HECW2: variants seen among roughly 807,000 people sequenced by gnomAD.
HECW2 encodes the protein E3 ubiquitin-protein ligase HECW2.
Under a neutral mutation model 175.2 loss-of-function variants are expected in HECW2, and 61 were observed. The ratio of observed to expected loss-of-function variants is 0.35; its 90% CI spans 0.28 to 0.43. HECW2 has a LOEUF of 0.43. HECW2 is among the 20% of genes least tolerant of loss of function. The pLI is 1.00. For missense variants in HECW2, 1,524 were observed against 2,000.5 expected, an observed-to-expected ratio of 0.76 and a Z score of 4.54; for synonymous variants, 671 against 731.0, an observed-to-expected ratio of 0.92 and a Z score of 1.32.
At chr2:196,557,852 A>AT (rs537086518) in intron 1 of HECW2, among the ~76,000 whole-genome samples, 3 of 152,060 alleles carry the variant, frequency 2.0e-5, no homozygotes, top group Non-Finnish European at 2.9e-5. Context: ...CATTTATGTG[A>AT]TTTTTTTTCT....
At chr2:196,265,254 G>C (rs1276847312) in intron 17 of HECW2, among the ~76,000 whole-genome samples, 1 of 152,226 alleles carries the variant, frequency 6.6e-6, no homozygotes, top group African/African-American at 2.4e-5. Context: ...GGAGGCCCAG[G>C]AAGGCAGATC....
chr2:196,461,838 C>T (rs1352899360), intron 1 of HECW2, among the ~76,000 whole-genome samples: 1 of 152,060 alleles, frequency 6.6e-6, no homozygotes, highest in African/African-American at 2.4e-5. Flanking sequence ...TGGTCTCTCG[C>T]CTGACACACG....
At chr2:196,538,602 T>C (rs1689099468) in intron 1 of HECW2, among the ~76,000 whole-genome samples, 1 of 152,156 alleles carries the variant, frequency 6.6e-6, no homozygotes, top group Non-Finnish European at 1.5e-5. Context: ...GTCCCAGACT[T>C]AACCAGTGCC....
intron 9 of HECW2, among the ~76,000 whole-genome samples, chr2:196,318,149 G>C (rs1691773160): frequency 1.3e-5 from 2 of 152,158 alleles, no homozygotes; most frequent in South Asian, 4.1e-4. Context: ...TTCCAATAGA[G>C]ACCCATTATT....
chr2:196,343,563 G>A, intron 3 of HECW2, 94 bp downstream of exon 3: 2 of 795,612 alleles, frequency 2.5e-6, no homozygotes, highest in South Asian at 1.8e-5. Context: ...CCAAACCAAA[G>A]AATTTCAAAA....
chr2:196,396,055 T>C (rs1477361693), intron 2 of HECW2, among the ~76,000 whole-genome samples: 4 of 152,206 alleles, frequency 2.6e-5, no homozygotes, highest in Admixed American at 2.6e-4. Flanking sequence ...ATGGAAATTC[T>C]GACATATGCT....
chr2:196,217,928 C>G (rs145750191), intron 26 of HECW2: 2 of 152,306 alleles, frequency 1.3e-5, no homozygotes, highest in East Asian at 1.9e-4. Flanking sequence ...TTATTTTAAT[C>G]CAAATTTTTC....
In HECW2 at chr2:196,557,170, C is replaced by T. The variant is rs181810126; in HGVS notation, c.-36+36338G>A. 3.0e-3 allele frequency among the ~76,000 whole-genome samples: 457 copies of T among 152,122 alleles called. 1 individual carries two copies. The highest frequency in any genetic ancestry group is 0.01 in the African/African-American group (421 of 41,510). ...CAGCACTTTGGGAGCCCGAGGTGGGCGGATCACCTGAGGTCAGGAGTTCGA... is the reference window on the plus strand; with the variant it reads ...CAGCACTTTGGGAGCCCGAGGTGGGTGGATCACCTGAGGTCAGGAGTTCGA... On this transcript the variant is annotated intron_variant, in intron 1 of 28. Transcript: ENST00000644978.
At chr2:196,266,898 T>C (rs1689538518) in intron 17 of HECW2, among the ~76,000 whole-genome samples, 2 of 152,198 alleles carry the variant, frequency 1.3e-5, no homozygotes, top group African/African-American at 4.8e-5. Context: ...AAGGTTCAAG[T>C]CTGCATTTGC....
At position 196,292,599 on chromosome 2, in the gene HECW2, C is replaced by A; in HGVS notation, c.2966G>T (p.Arg989Leu). 2.5e-6 allele frequency: 4 copies of A among 1,613,904 alleles called. No individual in the cohort carries two copies. The highest frequency in any genetic ancestry group is 1.7e-5 in the Admixed American group (1 of 60,026). The change falls in exon 14 of 29, where the codon CGG (arginine) becomes CTG (leucine). Residue 989 changes from arginine to leucine, a missense_variant. This residue lies in a region of HECW2 where 291 missense variants were observed against 412.2 expected (regional missense o/e 0.71). Transcript: ENST00000644978. ...MFANKQLELPRGWEMKHDHQG... is the reference protein window; with the variant it reads ...MFANKQLELPLGWEMKHDHQG... ...GTGATCATGTTTCATTTCCCATCCC[C>A]GCGGCAGCTCTAGCTGTTTGTTCGC...
intron 2 of HECW2, among the ~76,000 whole-genome samples, chr2:196,357,654 A>G (rs1422441181): frequency 6.6e-6 from 1 of 152,200 alleles, no homozygotes; most frequent in Non-Finnish European, 1.5e-5. Flanking sequence ...TGCCAAGGGA[A>G]GGACTTGTAA....
At chr2:196,310,653 C>T (rs1037644108) in intron 10 of HECW2, among the ~76,000 whole-genome samples, 1 of 152,092 alleles carries the variant, frequency 6.6e-6, no homozygotes, top group Non-Finnish European at 1.5e-5. Context: ...ATAGACAATG[C>T]TAAAATGAGA....
chr2:196,274,917 T>G (rs1395682570), intron 15 of HECW2, among the ~76,000 whole-genome samples: 1 of 152,176 alleles, frequency 6.6e-6, no homozygotes, highest in Non-Finnish European at 1.5e-5. Flanking sequence ...TTTGAGACAA[T>G]AGCAGAACAG....
At chr2:196,352,581 A>G (rs1693211566) in intron 2 of HECW2, among the ~76,000 whole-genome samples, 1 of 126,666 alleles carries the variant, frequency 7.9e-6, no homozygotes, top group Non-Finnish European at 1.6e-5. Context: ...ATAGCAGGGT[A>G]TCACAAGCAG....
rs1461660124 is a variant in HECW2 at position 196,305,115 on chromosome 2, C to T, written c.2814+1373G>A. 2.0e-5 allele frequency among the ~76,000 whole-genome samples: 3 copies of T among 152,194 alleles called. No individual in the cohort carries two copies. The East Asian group carries it at 5.8e-4, about 29-fold the overall frequency. On this transcript the variant is annotated intron_variant, in intron 13 of 28. Coordinates refer to ENST00000644978, the MANE Select transcript of HECW2 (RefSeq NM_001348768.2). Reference sequence around the variant, plus strand: ...TATCTTCTATAGCCATCCATTATTGCACTTGTAATTCTGGTTATGACATTA... The same window carrying T: ...TATCTTCTATAGCCATCCATTATTGTACTTGTAATTCTGGTTATGACATTA...
intron 28 of HECW2, among the ~76,000 whole-genome samples, chr2:196,210,171 G>C (rs1197186855): frequency 6.6e-6 from 1 of 152,172 alleles, no homozygotes; most frequent in Non-Finnish European, 1.5e-5. Flanking sequence ...CCCTATAATG[G>C]AGGAGGGAAA....
chr2:196,434,956 G>C (rs1260559790), intron 1 of HECW2, among the ~76,000 whole-genome samples: 1 of 152,166 alleles, frequency 6.6e-6, no homozygotes, highest in African/African-American at 2.4e-5. Flanking sequence ...GGGAAGATAG[G>C]GTTTTTTCTC....
At chr2:196,510,439 G>T (rs913594083) in intron 1 of HECW2, among the ~76,000 whole-genome samples, 5 of 152,170 alleles carry the variant, frequency 3.3e-5, no homozygotes, top group African/African-American at 1.2e-4. Context: ...CTCTCGCCCA[G>T]ATCAACCAGA....
At chr2:196,225,319 A>C (rs1476320744) in intron 23 of HECW2, among the ~76,000 whole-genome samples, 1 of 152,206 alleles carries the variant, frequency 6.6e-6, no homozygotes, top group Non-Finnish European at 1.5e-5. Context: ...AACCAAAACA[A>C]AGGAAAATGA....
Sources: allele counts gnomAD v4.1 joint callset (sites outside exome capture counted in the v4.1 genomes callset), GRCh38; gene constraint gnomAD v4.1.1; regional missense constraint gnomAD v4.1.1; transcripts MANE v1.5; gene names NCBI Gene and HGNC (gene_info 2026-07-23, HGNC 2026-07-21).